Variants in NHSL3 observed in about 807,000 individuals in gnomAD.
The protein encoded by NHSL3 is NHS-like protein 3.
the NHSL3 span, among the ~76,000 whole-genome samples, chr1:32,747,483 G>C: frequency 2.0e-5 from 3 of 152,076 alleles, no homozygotes; most frequent in African/African-American, 7.2e-5. Flanking sequence ...GACAAAGATG[G>C]GGTTTAATGG....
chr1:32,750,253 G>C, the NHSL3 span, among the ~76,000 whole-genome samples: 5 of 152,120 alleles, frequency 3.3e-5, no homozygotes, highest in African/African-American at 1.2e-4. Flanking sequence ...TGTACTCTAT[G>C]CCCTTGTACT....
At chr1:32,746,859 G>T in the NHSL3 span, among the ~76,000 whole-genome samples, 1 of 152,160 alleles carries the variant, frequency 6.6e-6, no homozygotes, top group African/African-American at 2.4e-5. Flanking sequence ...GACAAAACCA[G>T]TTTTGGGGAA....
At chr1:32,760,384 C>T in the NHSL3 span, among the ~76,000 whole-genome samples, 41 of 152,308 alleles carry the variant, frequency 2.7e-4, no homozygotes, top group African/African-American at 8.7e-4. Flanking sequence ...CGTGCGCATG[C>T]GCGTGGCCTT....
the NHSL3 span, among the ~76,000 whole-genome samples, chr1:32,762,256 C>T: frequency 1.3e-5 from 2 of 152,122 alleles, no homozygotes; most frequent in East Asian, 3.9e-4. Context: ...GCAGGGGGGT[C>T]GTGTTGCTTG....
the NHSL3 span, chr1:32,770,354 C>T: frequency 4.3e-6 from 7 of 1,610,370 alleles, no homozygotes; most frequent in Middle Eastern, 1.7e-4. The surrounding 1 kb of genome is among the most constrained non-coding windows in gnomAD (Gnocchi z 8.3). Flanking sequence ...TCAGTCCGCT[C>T]GCTGGGGCGC....
the NHSL3 span, among the ~76,000 whole-genome samples, chr1:32,769,341 A>T: frequency 6.6e-6 from 1 of 152,096 alleles, no homozygotes; most frequent in Non-Finnish European, 1.5e-5. Flanking sequence ...CCTTGGGAAA[A>T]CCCTTAACCT....
At chr1:32,761,543 A>G in the NHSL3 span, among the ~76,000 whole-genome samples, 1 of 152,116 alleles carries the variant, frequency 6.6e-6, no homozygotes, top group South Asian at 2.1e-4. Flanking sequence ...GTAGCTGAAG[A>G]TGACTGTCCT....
At chr1:32,751,127 A>G in the NHSL3 span, among the ~76,000 whole-genome samples, 1 of 152,204 alleles carries the variant, frequency 6.6e-6, no homozygotes, top group East Asian at 1.9e-4. Context: ...ACCATTTTCT[A>G]AGAGGGTCAC....
At chr1:32,770,373 C>T in the NHSL3 span, 95 of 1,609,000 alleles carry the variant, frequency 5.9e-5, no homozygotes, top group African/African-American at 8.4e-4. This position sits in a 1 kb window ranked among gnomAD's most constrained non-coding sequence, Gnocchi z 8.3. Flanking sequence ...GCTTCTCCTC[C>T]GTCTCCAGCC....
the NHSL3 span, among the ~76,000 whole-genome samples, chr1:32,748,121 A>G: frequency 6.6e-6 from 1 of 152,006 alleles, no homozygotes; most frequent in Non-Finnish European, 1.5e-5. Flanking sequence ...TCAAAACAAA[A>G]AACAAAAATT....
the NHSL3 span, among the ~76,000 whole-genome samples, chr1:32,764,911 C>G: frequency 6.6e-6 from 1 of 152,208 alleles, no homozygotes; most frequent in African/African-American, 2.4e-5. Flanking sequence ...TGGACTGTTT[C>G]TTGGCTAATT....
At chr1:32,769,977 C>T in the NHSL3 span, 1 of 1,607,856 alleles carries the variant, frequency 6.2e-7, no homozygotes, top group Non-Finnish European at 8.5e-7. Context: ...CCCGAGGCAC[C>T]TCAGGGATGG....
the NHSL3 span, among the ~76,000 whole-genome samples, chr1:32,746,926 T>C: frequency 3.8e-4 from 58 of 151,994 alleles, no homozygotes; most frequent in South Asian, 0.012. Context: ...GGCTGAGGGG[T>C]GGGAGTAGGC....
chr1:32,748,827 C>T, the NHSL3 span, among the ~76,000 whole-genome samples: 1 of 152,114 alleles, frequency 6.6e-6, no homozygotes. Context: ...AAGAATGTGA[C>T]ATTTTGGCTT....
At chr1:32,774,676 T>C in the NHSL3 span, 1 of 152,494 alleles carries the variant, frequency 6.6e-6, no homozygotes, top group East Asian at 1.9e-4. Context: ...CTTCTGAGCT[T>C]GTTTCCCTGC....
chr1:32,763,810 G>T, the NHSL3 span, among the ~76,000 whole-genome samples: 2 of 152,152 alleles, frequency 1.3e-5, no homozygotes, highest in Non-Finnish European at 2.9e-5. Context: ...CTGACCTCAG[G>T]TGATCTGCCT....
chr1:32,772,789 A>C, the NHSL3 span: 5 of 1,389,680 alleles, frequency 3.6e-6, no homozygotes, highest in Non-Finnish European at 5.1e-6. Context: ...GGGTGAGGGT[A>C]TGCTTTGTTG....
the NHSL3 span, among the ~76,000 whole-genome samples, chr1:32,751,101 G>T: frequency 6.6e-6 from 1 of 152,124 alleles, no homozygotes; most frequent in Non-Finnish European, 1.5e-5. Context: ...ATGAGCCACC[G>T]TGCCTGGCCT....
At chr1:32,748,256 G>T in the NHSL3 span, among the ~76,000 whole-genome samples, 7 of 152,164 alleles carry the variant, frequency 4.6e-5, no homozygotes, top group African/African-American at 1.7e-4. Flanking sequence ...TCCAGCCTGG[G>T]CGACGGGAGT....
Sources: allele counts gnomAD v4.1 joint callset (sites outside exome capture counted in the v4.1 genomes callset), GRCh38; gene constraint gnomAD v4.1.1; non-coding constraint Gnocchi (gnomAD v3.1); transcripts MANE v1.5; gene names NCBI Gene and HGNC (gene_info 2026-07-23, HGNC 2026-07-21).